OTUD7A: variants seen among roughly 807,000 people sequenced by gnomAD.
OTUD7A encodes the protein OTU domain-containing protein 7A.
A neutral mutation model predicts 65.7 loss-of-function variants in OTUD7A; 12 were observed. The ratio of observed to expected loss-of-function variants is 0.18; its 90% confidence interval spans 0.12 to 0.30. The LOEUF is 0.30. OTUD7A is among the 10% of genes least tolerant of loss of function. The pLI, the probability that OTUD7A is intolerant of heterozygous loss-of-function variation, is 1.00. For missense variants in OTUD7A, 1,148 were observed against 1,304.8 expected (o/e 0.88, Z 1.85); for synonymous variants, 641 against 586.3 (o/e 1.09, Z -1.35).
In OTUD7A at chr15:31,484,033, G is replaced by C. The variant is rs771093575; in HGVS notation, c.2063C>G (p.Ala688Gly). The change falls in exon 13 of 13, where the codon GCC (alanine) becomes GGC (glycine). Residue 688 changes from alanine to glycine, a missense_variant. Transcript: ENST00000307050. This position sits in a 1 kb window ranked among gnomAD's most constrained non-coding sequence, Gnocchi z 4.5. Reference sequence around the variant, plus strand: ...GGCGGCGGCGGCGGCGGCGGCAGCGGCGGCCGCAGTAGCGGCGTCGCGGCG... The same window carrying C: ...GGCGGCGGCGGCGGCGGCGGCAGCGCCGGCCGCAGTAGCGGCGTCGCGGCG... ...QRRRDAATAA[A>G]AAAAAAAATA... The C allele has an allele frequency of 3.2e-6, 4 of 1,255,342 alleles. No homozygotes were observed. In the African/African-American group the frequency reaches 6.2e-5, roughly 20 times the overall value. The allele number at this position is 1,255,342 out of a possible 1,614,324, so 77.8% of individuals were successfully genotyped here.
At chr15:31,848,607 C>T (rs1194002548) in intron 1 of OTUD7A, among the ~76,000 whole-genome samples, 1 of 152,172 alleles carries the variant, frequency 6.6e-6, no homozygotes, top group Admixed American at 6.5e-5. Context: ...CCCTGCCTTC[C>T]CCTGGTCTGA....
intron 3 of OTUD7A, among the ~76,000 whole-genome samples, chr15:31,627,325 G>A (rs944428404): frequency 6.9e-6 from 1 of 144,380 alleles, no homozygotes; most frequent in Non-Finnish European, 1.5e-5. Flanking sequence ...CCACCTATGA[G>A]TGAGAACATG....
At chr15:31,558,637 C>T (rs559972823) in intron 5 of OTUD7A, 4 of 344,330 alleles carry the variant, frequency 1.2e-5, no homozygotes, top group Non-Finnish European at 2.1e-5. Flanking sequence ...TCCTATCTTT[C>T]ATTCAACACC....
intron 1 of OTUD7A, among the ~76,000 whole-genome samples, chr15:31,671,051 T>A (rs1231682469): frequency 6.6e-6 from 1 of 152,226 alleles, no homozygotes; most frequent in Non-Finnish European, 1.5e-5. Flanking sequence ...TGACAACAGC[T>A]TCCTTTGCTG....
At chr15:31,685,904 T>C (rs1467036450) in intron 1 of OTUD7A, among the ~76,000 whole-genome samples, 3 of 152,214 alleles carry the variant, frequency 2.0e-5, no homozygotes, top group Admixed American at 1.3e-4. Flanking sequence ...CACACACTTA[T>C]GGGGCACAAT....
At chr15:31,862,504 A>G (rs1480345290) in intron 1 of OTUD7A, among the ~76,000 whole-genome samples, 1 of 152,224 alleles carries the variant, frequency 6.6e-6, no homozygotes, top group Non-Finnish European at 1.5e-5. Flanking sequence ...CCTCAGAATC[A>G]TGGCGGGAGG....
intron 1 of OTUD7A, among the ~76,000 whole-genome samples, chr15:31,804,336 AC>A (rs1249443293): frequency 6.6e-6 from 1 of 152,066 alleles, no homozygotes; most frequent in East Asian, 1.9e-4. Context: ...TGGAGTGCCT[AC>A]TTTTATGGTT....
intron 5 of OTUD7A, among the ~76,000 whole-genome samples, chr15:31,542,432 G>T (rs940379816): frequency 1.3e-5 from 2 of 151,998 alleles, no homozygotes; most frequent in African/African-American, 4.8e-5. Flanking sequence ...GGACACTGTT[G>T]AAGGAAAAAG....
intron 1 of OTUD7A, among the ~76,000 whole-genome samples, chr15:31,802,097 GTATA>G (rs879678129): frequency 2.8e-4 from 19 of 67,316 alleles, no homozygotes; most frequent in African/African-American, 7.9e-4. Flanking sequence ...ATATGTGTGT[GTATA>G]TATGTGTGTG....
intron 1 of OTUD7A, among the ~76,000 whole-genome samples, chr15:31,685,146 G>A (rs1892806967): frequency 6.6e-6 from 1 of 152,240 alleles, no homozygotes; most frequent in Non-Finnish European, 1.5e-5. Context: ...TGAGCAGTGT[G>A]ACAAATATTT....
intron 1 of OTUD7A, among the ~76,000 whole-genome samples, chr15:31,734,355 AT>A (rs1894128001): frequency 6.6e-6 from 1 of 152,258 alleles, no homozygotes; most frequent in Non-Finnish European, 1.5e-5. Context: ...ATTCAATGCT[AT>A]TCCTATTAAA....
At chr15:31,608,310 A>G (rs2141219205) in intron 3 of OTUD7A, among the ~76,000 whole-genome samples, 1 of 152,360 alleles carries the variant, frequency 6.6e-6, no homozygotes, top group Non-Finnish European at 1.5e-5. Flanking sequence ...CCAGTCTAGA[A>G]CTGAAAAATA....
intron 1 of OTUD7A, chr15:31,787,819 G>A (rs1012988904): frequency 1.3e-5 from 2 of 152,226 alleles, no homozygotes; most frequent in Non-Finnish European, 2.9e-5. Flanking sequence ...TTAGGCAACA[G>A]TTCAGTCTTT....
chr15:31,642,419 G>A (rs541386413), intron 3 of OTUD7A, among the ~76,000 whole-genome samples: 1 of 152,172 alleles, frequency 6.6e-6, no homozygotes, highest in Non-Finnish European at 1.5e-5. Context: ...GAATGAATGA[G>A]TTGGGAAGTA....
chr15:31,751,198 A>C (rs1894624828), intron 1 of OTUD7A, among the ~76,000 whole-genome samples: 1 of 152,198 alleles, frequency 6.6e-6, no homozygotes, highest in African/African-American at 2.4e-5. Flanking sequence ...TCCATAATCT[A>C]TAAGGAATGC....
At chr15:31,597,210 G>T (rs897421740) in intron 3 of OTUD7A, among the ~76,000 whole-genome samples, 8 of 152,152 alleles carry the variant, frequency 5.3e-5, no homozygotes, top group Non-Finnish European at 8.8e-5. Flanking sequence ...TTATAGGTGT[G>T]AGCCACTGTA....
At chr15:31,528,766 C>T (rs1166601338) in intron 6 of OTUD7A, among the ~76,000 whole-genome samples, 2 of 152,264 alleles carry the variant, frequency 1.3e-5, no homozygotes, top group African/African-American at 2.4e-5. Flanking sequence ...ACAATCCTAG[C>T]TCAACGTCAG....
chr15:31,586,875 C>T (rs554368054), intron 3 of OTUD7A, among the ~76,000 whole-genome samples: 11 of 152,130 alleles, frequency 7.2e-5, no homozygotes, highest in African/African-American at 2.4e-4. Context: ...CTGGGTCCTC[C>T]TCCTCCTCCT....
chr15:31,702,932 C>T (rs1030440909), intron 1 of OTUD7A, among the ~76,000 whole-genome samples: 31 of 151,444 alleles, frequency 2.0e-4, no homozygotes, highest in Non-Finnish European at 4.3e-4. Flanking sequence ...ATAGAGAACC[C>T]GGAACTGATT....
Sources: allele counts gnomAD v4.1 joint callset (sites outside exome capture counted in the v4.1 genomes callset), GRCh38; gene constraint gnomAD v4.1.1; non-coding constraint Gnocchi (gnomAD v3.1); transcripts MANE v1.5; gene names NCBI Gene and HGNC (gene_info 2026-07-23, HGNC 2026-07-21).